Variants in DCC observed in about 807,000 individuals in gnomAD.
The protein encoded by DCC is netrin receptor DCC.
A neutral mutation model predicts 172.5 loss-of-function variants in DCC; 58 were observed. The ratio of observed to expected loss-of-function variants is 0.34; its 90% CI spans 0.27 to 0.42. DCC has a LOEUF of 0.42. Ranked by LOEUF, DCC falls within the 10% of genes least tolerant of loss-of-function variation. The pLI, the probability that DCC is intolerant of heterozygous loss-of-function variation, is 1.00. For missense variants in DCC, 1,740 were observed against 1,791.0 expected, an observed-to-expected ratio of 0.97 and a Z score of 0.51; for synonymous variants, 709 against 644.5, an observed-to-expected ratio of 1.10 and a Z score of -1.52.
At chr18:52,765,386 G>A (rs1485260160) in intron 2 of DCC, among the ~76,000 whole-genome samples, 1 of 151,990 alleles carries the variant, frequency 6.6e-6, no homozygotes, top group Admixed American at 6.6e-5. Context: ...ATCTCTTCAT[G>A]TTTTACAGCA....
At chr18:53,221,264 C>T (rs1188690824) in intron 12 of DCC, among the ~76,000 whole-genome samples, 1 of 152,020 alleles carries the variant, frequency 6.6e-6, no homozygotes, top group East Asian at 1.9e-4. Context: ...CAGCTTCCAT[C>T]TCTAGAATAT....
rs1421823846 is a variant in DCC, at chr18:53,402,839, C to T, written c.2881C>T (p.Arg961Cys). 32 of 1,614,098 alleles carry T rather than the reference C, an allele frequency of 2.0e-5. No homozygotes were observed. Among genetic ancestry groups the T allele is most frequent in the South Asian group, 3.3e-5 (3 of 91,082 alleles). ...LTVITREGKP[R>C]AVIVSWQPPL... ...AGTCATTACTAGGGAAGGGAAGCCT[C>T]GTGCCGTCATTGTGAGTTGGCAGCC... The change falls in exon 19 of 29, where the codon CGT becomes TGT. Residue 961 changes from arginine to cysteine, a missense_variant. Coordinates refer to ENST00000442544, the MANE Select transcript of DCC (RefSeq NM_005215.4).
intron 1 of DCC, among the ~76,000 whole-genome samples, chr18:52,361,481 G>T (rs1984615235): frequency 6.6e-6 from 1 of 152,202 alleles, no homozygotes; most frequent in South Asian, 2.1e-4. Flanking sequence ...TGATTGAGAT[G>T]AGAATTGTCT....
At chr18:52,575,122 G>A (rs752855249) in intron 1 of DCC, among the ~76,000 whole-genome samples, 24 of 152,096 alleles carry the variant, frequency 1.6e-4, no homozygotes, top group Non-Finnish European at 1.6e-4. Flanking sequence ...TTTTGTTGTT[G>A]CTGATGTCAT....
chr18:52,884,727 A>T (rs1269351694), intron 2 of DCC, among the ~76,000 whole-genome samples: 1 of 152,110 alleles, frequency 6.6e-6, no homozygotes, highest in East Asian at 1.9e-4. Flanking sequence ...TGGTAAAGTC[A>T]TGTTTTCCTC....
At chr18:52,642,042 AT>A (rs1568269679) in intron 1 of DCC, among the ~76,000 whole-genome samples, 5 of 12,392 alleles carry the variant, frequency 4.0e-4, no homozygotes, top group Non-Finnish European at 3.2e-3. Context: ...ATATATATAT[AT>A]ATACTGTGGT....
At chr18:53,486,332 T>C (rs2045899605) in intron 25 of DCC, among the ~76,000 whole-genome samples, 1 of 152,210 alleles carries the variant, frequency 6.6e-6, no homozygotes, top group Admixed American at 6.5e-5. Context: ...CTTCTCTCTC[T>C]CTCGACTGTC....
At chr18:52,819,540 C>T (rs1431782207) in intron 2 of DCC, among the ~76,000 whole-genome samples, 2 of 152,078 alleles carry the variant, frequency 1.3e-5, no homozygotes, top group Non-Finnish European at 2.9e-5. Context: ...TTAAATGGGA[C>T]CACTTTGTAT....
intron 14 of DCC, among the ~76,000 whole-genome samples, chr18:53,332,274 C>G (rs1055646648): frequency 6.6e-6 from 1 of 151,778 alleles, no homozygotes; most frequent in African/African-American, 2.4e-5. Context: ...AAAAAAGTAG[C>G]TAAAAATAAA....
chr18:52,507,904 C>A (rs1227740150), intron 1 of DCC, among the ~76,000 whole-genome samples: 1 of 152,064 alleles, frequency 6.6e-6, no homozygotes. Context: ...AGTTCAAGAC[C>A]AGCCTGACCA....
intron 14 of DCC, among the ~76,000 whole-genome samples, chr18:53,337,061 T>G (rs943745201): frequency 2.6e-5 from 4 of 152,236 alleles, no homozygotes; most frequent in African/African-American, 9.6e-5. Flanking sequence ...GTGTACACAT[T>G]ACAATGATAT....
intron 3 of DCC, among the ~76,000 whole-genome samples, chr18:52,921,753 C>T (rs1190186865): frequency 6.6e-6 from 1 of 150,418 alleles, no homozygotes; most frequent in African/African-American, 2.4e-5. Context: ...AAAAAGTGTC[C>T]CTTCCATGGG....
At chr18:52,373,293 T>G (rs1985203366) in intron 1 of DCC, among the ~76,000 whole-genome samples, 1 of 152,092 alleles carries the variant, frequency 6.6e-6, no homozygotes, top group African/African-American at 2.4e-5. Context: ...TGACCAACAA[T>G]GAATCTGAGA....
At chr18:53,222,141 T>A (rs1023409676) in intron 12 of DCC, among the ~76,000 whole-genome samples, 1 of 152,144 alleles carries the variant, frequency 6.6e-6, no homozygotes, top group African/African-American at 2.4e-5. Context: ...TGAATAAAGA[T>A]CAACCATGAA....
chr18:52,672,290 T>C (rs1832588977), intron 1 of DCC, among the ~76,000 whole-genome samples: 1 of 152,228 alleles, frequency 6.6e-6, no homozygotes, highest in African/African-American at 2.4e-5. Context: ...AATATGTGTG[T>C]ATACGCTTCA....
chr18:53,174,450 G>C (rs1178446229), intron 8 of DCC, among the ~76,000 whole-genome samples: 2 of 149,848 alleles, frequency 1.3e-5, no homozygotes. Flanking sequence ...AAGAAAAAAA[G>C]AGAGAAGAAT....
At chr18:53,398,794 A>G (rs963693294) in intron 18 of DCC, among the ~76,000 whole-genome samples, 3 of 152,178 alleles carry the variant, frequency 2.0e-5, no homozygotes, top group African/African-American at 7.2e-5. Flanking sequence ...ACAAAAAGAT[A>G]CTAACTTTTA....
chr18:53,152,059 A>G (rs980626359), intron 7 of DCC, among the ~76,000 whole-genome samples: 5 of 152,168 alleles, frequency 3.3e-5, no homozygotes, highest in African/African-American at 1.2e-4. Flanking sequence ...TGTTTCTGTT[A>G]TTTCACTGAC....
intron 1 of DCC, among the ~76,000 whole-genome samples, chr18:52,716,056 C>A (rs568902362): frequency 6.6e-6 from 1 of 152,280 alleles, no homozygotes; most frequent in Admixed American, 6.5e-5. Context: ...ACTCTATGAT[C>A]CCTGCTCAGA....
Sources: allele counts gnomAD v4.1 joint callset (sites outside exome capture counted in the v4.1 genomes callset), GRCh38; gene constraint gnomAD v4.1.1; transcripts MANE v1.5; gene names NCBI Gene and HGNC (gene_info 2026-07-23, HGNC 2026-07-21).